ABL2: variants seen among roughly 807,000 people sequenced by gnomAD.
The protein encoded by ABL2 is ABL proto-oncogene 2, non-receptor tyrosine kinase, also known as tyrosine-protein kinase ABL2.
ABL2 carries 49 observed loss-of-function variants against 107.7 expected under a neutral mutation model. The ratio of observed to expected loss-of-function variants is 0.45; its 90% confidence interval spans 0.36 to 0.58. The LOEUF (loss-of-function observed/expected upper bound fraction) is 0.58. Ranked by LOEUF, ABL2 falls within the 20% of genes least tolerant of loss-of-function variation. The pLI is 0.00. For missense variants in ABL2, 1,245 were observed against 1,457.0 expected (o/e 0.85, Z 2.37); for synonymous variants, 549 against 548.6 (o/e 1.00, Z -0.01).
intron 1 of ABL2, among the ~76,000 whole-genome samples, chr1:179,204,069 C>T (rs1432347298): frequency 6.6e-6 from 1 of 152,082 alleles, no homozygotes. Context: ...CTCTGTCGCC[C>T]AGGCTGGAGT....
intron 1 of ABL2, among the ~76,000 whole-genome samples, chr1:179,190,784 A>G (rs1367686749): frequency 3.3e-5 from 5 of 152,186 alleles, no homozygotes; most frequent in Admixed American, 2.6e-4. Context: ...CTAGAATTTT[A>G]GGAGGTTTTT....
Position 179,102,883 on chromosome 1 carries a change from T to C in ABL2, c.*4835A>G, listed in dbSNP as rs971138249. 3 of 226,400 alleles carry C rather than the reference T, an allele frequency of 1.3e-5. No homozygotes were observed. The highest frequency in any genetic ancestry group is 2.6e-5 in the Non-Finnish European group (3 of 113,880). 14.0% of individuals were successfully genotyped at this position (226,400 alleles called of 1,614,324 possible). On this transcript the variant is annotated 3_prime_UTR_variant, in exon 12 of 12. Coordinates refer to ENST00000502732, the MANE Select transcript of ABL2 (RefSeq NM_007314.4). ...GACAAATGTCAATGTCATTTATAAC[T>C]GGTAGGAAATCCTAGAAAAGTAATT... is the stretch of plus-strand genomic sequence containing the variant.
At chr1:179,112,800 G>A (rs935169477) in intron 9 of ABL2, among the ~76,000 whole-genome samples, 4 of 151,686 alleles carry the variant, frequency 2.6e-5, no homozygotes, top group African/African-American at 9.7e-5. Context: ...TGTCACCCAG[G>A]CTGGAGTGCA....
chr1:179,149,197 T>G (rs757583381), intron 1 of ABL2, among the ~76,000 whole-genome samples: 15 of 152,136 alleles, frequency 9.9e-5, no homozygotes, highest in African/African-American at 2.2e-4. Context: ...TGGAGAAAAT[T>G]TGAGTGGTCT....
intron 1 of ABL2, among the ~76,000 whole-genome samples, chr1:179,228,616 G>C (rs1663365427): frequency 6.6e-6 from 1 of 152,074 alleles, no homozygotes; most frequent in African/African-American, 2.4e-5. Flanking sequence ...ATAGTACAGA[G>C]GCTTTGGCAA....
chr1:179,185,577 T>C (rs1025397316), intron 1 of ABL2, among the ~76,000 whole-genome samples: 3 of 152,214 alleles, frequency 2.0e-5, no homozygotes, highest in Non-Finnish European at 4.4e-5. Context: ...GGAAAAAACT[T>C]ATTTCAGCTC....
At chr1:179,223,151 T>A (rs1055704231) in intron 1 of ABL2, among the ~76,000 whole-genome samples, 1 of 147,348 alleles carries the variant, frequency 6.8e-6, no homozygotes, top group African/African-American at 2.5e-5. Context: ...CAGGGCCTCA[T>A]GTCTGTAATC....
chr1:179,169,043 T>A (rs899468865), intron 1 of ABL2, among the ~76,000 whole-genome samples: 2 of 152,158 alleles, frequency 1.3e-5, no homozygotes, highest in Non-Finnish European at 2.9e-5. Context: ...TTAGTAATAT[T>A]GGAGAGTGTT....
chr1:179,218,129 C>A (rs1271150924), intron 1 of ABL2, among the ~76,000 whole-genome samples: 1 of 152,158 alleles, frequency 6.6e-6, no homozygotes, highest in African/African-American at 2.4e-5. Flanking sequence ...AACTGTAGCC[C>A]AATCTGCTCA....
At chr1:179,210,792 T>C (rs958312317) in intron 1 of ABL2, among the ~76,000 whole-genome samples, 21 of 151,944 alleles carry the variant, frequency 1.4e-4, no homozygotes, top group Admixed American at 3.9e-4. Flanking sequence ...AGGTGGAGGT[T>C]GCAGTAAGCC....
chr1:179,111,431 G>A (rs964554473), intron 10 of ABL2, among the ~76,000 whole-genome samples: 2 of 151,592 alleles, frequency 1.3e-5, no homozygotes, highest in African/African-American at 2.4e-5. Flanking sequence ...GATTACAGGC[G>A]CCTGCCATCA....
intron 3 of ABL2, among the ~76,000 whole-genome samples, chr1:179,130,725 T>TC (rs1162766691): frequency 1.5e-5 from 2 of 129,488 alleles, no homozygotes; most frequent in African/African-American, 3.3e-5. Context: ...CATTATTGAT[T>TC]TTGTGTGTGT....
At chr1:179,199,266 T>G (rs967567812) in intron 1 of ABL2, among the ~76,000 whole-genome samples, 7 of 152,212 alleles carry the variant, frequency 4.6e-5, no homozygotes, top group African/African-American at 1.7e-4. Context: ...ACTGTAAAGG[T>G]ATGGAAACAG....
chr1:179,188,681 A>G (rs73044753), intron 1 of ABL2, among the ~76,000 whole-genome samples: 14,372 of 152,230 alleles, frequency 0.094, 712 homozygotes, highest in African/African-American at 0.12. Context: ...ACGCACTATA[A>G]TGTAATTTCC....
chr1:179,125,181 T>TA (rs1456119495), intron 4 of ABL2, among the ~76,000 whole-genome samples: 3 of 152,152 alleles, frequency 2.0e-5, no homozygotes, highest in African/African-American at 7.2e-5. Context: ...ATAGAAACCA[T>TA]AGACAATACA....
At chr1:179,177,810 CA>C (rs1660135592) in intron 1 of ABL2, among the ~76,000 whole-genome samples, 2 of 152,140 alleles carry the variant, frequency 1.3e-5, no homozygotes, top group Non-Finnish European at 1.5e-5. Context: ...ATACCTCAGT[CA>C]TCAGTAACCA....
intron 1 of ABL2, among the ~76,000 whole-genome samples, chr1:179,136,737 T>TAAATAAATAAATAAATAA (rs1389556672): frequency 2.8e-5 from 4 of 142,726 alleles, no homozygotes; most frequent in Non-Finnish European, 4.5e-5. Context: ...AATAAATAAA[T>TAAATAAATAAATAAATAA]AAATAAAAAT....
intron 4 of ABL2, among the ~76,000 whole-genome samples, chr1:179,125,810 T>G (rs1226509379): frequency 6.6e-6 from 1 of 152,222 alleles, no homozygotes; most frequent in East Asian, 1.9e-4. Flanking sequence ...CTAAATTTAC[T>G]GCTCAACAGA....
At chr1:179,162,282 G>T (rs919182932) in intron 1 of ABL2, among the ~76,000 whole-genome samples, 24 of 152,074 alleles carry the variant, frequency 1.6e-4, no homozygotes, top group African/African-American at 5.1e-4. Flanking sequence ...ATATATTCAC[G>T]TTCCTAGAAA....
Sources: allele counts gnomAD v4.1 joint callset (sites outside exome capture counted in the v4.1 genomes callset), GRCh38; gene constraint gnomAD v4.1.1; transcripts MANE v1.5; gene names NCBI Gene and HGNC (gene_info 2026-07-23, HGNC 2026-07-21).